The following FYB1 variants were observed in gnomAD, a reference collection of about 807,000 sequenced individuals.
The protein encoded by FYB1 is FYN-binding protein 1.
A neutral mutation model predicts 94.1 loss-of-function variants in FYB1; 41 were observed. That is an observed-to-expected ratio of 0.44 (90% CI 0.34 to 0.57). The LOEUF is 0.57. Ranked by LOEUF, FYB1 falls within the 20% of genes least tolerant of loss-of-function variation. The pLI is 0.02. For missense variants in FYB1, 1,050 were observed against 976.8 expected (o/e 1.07, Z -1.00); for synonymous variants, 367 against 353.2 (o/e 1.04, Z -0.44).
intron 1 of FYB1, among the ~76,000 whole-genome samples, chr5:39,232,702 T>G (rs1046597237): frequency 1.3e-5 from 2 of 151,294 alleles, no homozygotes; most frequent in Non-Finnish European, 2.9e-5. Context: ...TATCTCCCAA[T>G]GCTAACCCTC....
chr5:39,124,522 T>A (rs1425383712), intron 12 of FYB1, among the ~76,000 whole-genome samples: 1 of 152,140 alleles, frequency 6.6e-6, no homozygotes, highest in Non-Finnish European at 1.5e-5. Flanking sequence ...GTCAAGATAC[T>A]CAATTGGTTT....
intron 2 of FYB1, among the ~76,000 whole-genome samples, chr5:39,158,243 C>A (rs538088680): frequency 2.2e-4 from 33 of 152,346 alleles, no homozygotes; most frequent in African/African-American, 6.0e-4. Context: ...AGAGATCTTG[C>A]ACAAGTCACG....
intron 2 of FYB1, among the ~76,000 whole-genome samples, chr5:39,163,094 C>T (rs903037464): frequency 1.7e-4 from 26 of 152,184 alleles, no homozygotes; most frequent in African/African-American, 6.3e-4. Context: ...TCCTCGGCAG[C>T]CTTCAAGTCT....
chr5:39,153,700 G>A, intron 2 of FYB1, 96 bp from the exon 3 acceptor site: 3 of 1,206,142 alleles, frequency 2.5e-6, no homozygotes, highest in African/African-American at 1.5e-5. Flanking sequence ...AAAATAATTT[G>A]GCAAAAATTA....
intron 4 of FYB1, chr5:39,139,658 G>C (rs1357446070): frequency 6.6e-6 from 1 of 152,358 alleles, no homozygotes; most frequent in African/African-American, 2.4e-5. Flanking sequence ...AAGTTAATTG[G>C]ATTAAAAAAA....
upstream of FYB1, among the ~76,000 whole-genome samples, chr5:39,221,207 C>T: frequency 6.6e-6 from 1 of 152,076 alleles, no homozygotes; most frequent in East Asian, 1.9e-4. Flanking sequence ...TCATGCTTTC[C>T]CCTCCCAGCT....
Position 39,181,925 on chromosome 5 carries a change from T to G in FYB1, c.1135+19901A>C, listed in dbSNP as rs563410506. On this transcript the variant is annotated intron_variant, in intron 2 of 18. Transcript: ENST00000512982. The stretch of plus-strand genomic sequence containing the variant: ...CATAATGTCTACCCTCTTGACAAAT[T>G]TTTATGTGCACAATACTTAATTGCT... Among the ~76,000 whole-genome samples the G allele has an allele frequency of 2.6e-5, 4 of 152,292 alleles. No individual in the cohort carries two copies. In the South Asian group the frequency reaches 8.3e-4, roughly 32 times the overall value.
intron 2 of FYB1, among the ~76,000 whole-genome samples, chr5:39,162,144 C>T (rs998751013): frequency 6.6e-6 from 1 of 152,150 alleles, no homozygotes; most frequent in Admixed American, 6.5e-5. Context: ...CTGCTATGAA[C>T]GTTAATGTAT....
At chr5:39,243,985 T>C (rs1751342250) in intron 1 of FYB1, among the ~76,000 whole-genome samples, 1 of 152,196 alleles carries the variant, frequency 6.6e-6, no homozygotes, top group Non-Finnish European at 1.5e-5. Context: ...TTTTGCACAC[T>C]GATTTTGTAT....
In FYB1 at chr5:39,243,869, T is replaced by A. The variant is rs561272378; in HGVS notation, c.-28+30534A>T. 2.1e-3 allele frequency among the ~76,000 whole-genome samples: 321 copies of A among 152,288 alleles called. 1 individual carries two copies. Among genetic ancestry groups the A allele is most frequent in the African/African-American group, 7.6e-3 (314 of 41,552 alleles). On this transcript the variant is annotated intron_variant, in intron 1 of 1. Transcript: ENST00000510188. ...AGAGGTGCTTCACATCCCCCGTAAG[T>A]TGGGTTCCTAGGTATTTTATTCTCT...
At chr5:39,178,327 GTAGATGAGTCAT>G (rs1220755865) in intron 2 of FYB1, among the ~76,000 whole-genome samples, 3 of 152,170 alleles carry the variant, frequency 2.0e-5, no homozygotes, top group African/African-American at 7.2e-5. Context: ...AGAAGGCTTA[GTAGATGAGTCAT>G]GATGAGATTA....
intron 17 of FYB1, 24 bp downstream of exon 17, chr5:39,110,332 A>G (rs769075854): frequency 1.7e-5 from 26 of 1,528,354 alleles, no homozygotes; most frequent in Non-Finnish European, 2.3e-5. Context: ...TCACAAGCAT[A>G]GTAGTAGAAG....
chr5:39,184,975 C>T (rs1196944199), intron 2 of FYB1, among the ~76,000 whole-genome samples: 1 of 152,110 alleles, frequency 6.6e-6, no homozygotes, highest in African/African-American at 2.4e-5. Flanking sequence ...ATTCTTTTCC[C>T]TAGATACAAA....
At chr5:39,110,851 C>G (rs1324380789) in intron 16 of FYB1, 1 of 314,982 alleles carries the variant, frequency 3.2e-6, no homozygotes, top group Non-Finnish European at 6.1e-6. Flanking sequence ...TATTCAACTC[C>G]CCTTTCAGAT....
chr5:39,206,118 T>C (rs971532378), intron 1 of FYB1, among the ~76,000 whole-genome samples: 1 of 152,212 alleles, frequency 6.6e-6, no homozygotes, highest in African/African-American at 2.4e-5. Flanking sequence ...AATAGAGTTA[T>C]GATATTTAAG....
At chr5:39,112,563 T>C (rs1341283470) in intron 16 of FYB1, among the ~76,000 whole-genome samples, 2 of 152,090 alleles carry the variant, frequency 1.3e-5, no homozygotes, top group African/African-American at 4.8e-5. Context: ...TCACCATTTT[T>C]AGAAATTAAA....
chr5:39,248,557 G>A lies in FYB1; in HGVS notation c.-28+25846C>T, dbSNP rs149987170. On this transcript the variant is annotated intron_variant, in intron 1 of 1. Coordinates refer to the FYB1 transcript ENST00000510188. ...AGCCAATCACAAAACAGCAAGTATT[G>A]GCCGGGTGCTGTGGTTCAATACTGT... 6.9e-3 allele frequency among the ~76,000 whole-genome samples: 1,051 copies of A among 152,228 alleles called. 9 individuals are homozygous for A. The highest frequency in any genetic ancestry group is 0.023 in the African/African-American group (936 of 41,526).
chr5:39,255,560 T>C (rs1751904223), intron 1 of FYB1, among the ~76,000 whole-genome samples: 1 of 152,028 alleles, frequency 6.6e-6, no homozygotes, highest in African/African-American at 2.4e-5. Flanking sequence ...AAGCAGGATG[T>C]TATTCATTTA....
At position 39,148,492 on chromosome 5, in the gene FYB1, C is replaced by T. The variant is rs553172597; in HGVS notation, c.1292+4956G>A. Among the ~76,000 whole-genome samples the T allele has an allele frequency of 3.9e-5, 5 of 128,644 alleles. No homozygotes were observed. The East Asian group carries it at 1.3e-3, about 34-fold the overall frequency. The allele number at this position is 128,644 out of a possible 152,430, so 84.4% of individuals were successfully genotyped here. Reference sequence around the variant, plus strand: ...CTGCCTTACTGGGAGTAAAATCTTGCGGCCTTTTCTCTGGAACATGTCTTC... The same window carrying T: ...CTGCCTTACTGGGAGTAAAATCTTGTGGCCTTTTCTCTGGAACATGTCTTC... On this transcript the variant is annotated intron_variant, in intron 3 of 18. Coordinates refer to ENST00000512982, the MANE Select transcript of FYB1 (RefSeq NM_001465.6).
Sources: gnomAD v4.1 joint callset for allele counts (sites outside exome capture counted in the v4.1 genomes callset) on GRCh38, gnomAD v4.1.1 for gene constraint, MANE v1.5 for transcripts, NCBI Gene and HGNC (gene_info 2026-07-23, HGNC 2026-07-21) for gene names.